The following MYO18B variants were observed in gnomAD, a reference collection of about 807,000 sequenced individuals.
The protein encoded by MYO18B is unconventional myosin-XVIIIb.
Under a neutral mutation model 273.0 loss-of-function variants are expected in MYO18B, and 204 were observed. The ratio of observed to expected loss-of-function variants is 0.75; its 90% CI spans 0.67 to 0.84. The LOEUF is 0.84. Among genes scored for constraint, MYO18B ranks in the 40% least tolerant of loss-of-function variants. MYO18B has a pLI of 0.00. For missense variants in MYO18B, 3,212 were observed against 3,287.6 expected (o/e 0.98, Z 0.56); for synonymous variants, 1,330 against 1,305.7 (o/e 1.02, Z -0.40).
intron 34 of MYO18B, among the ~76,000 whole-genome samples, chr22:25,934,213 A>G (rs1372650737): frequency 2.0e-5 from 3 of 151,454 alleles, no homozygotes; most frequent in Non-Finnish European, 4.4e-5. Flanking sequence ...TCTTTGCTAC[A>G]TATGTCTATT....
rs1465370828 is a variant in MYO18B at position 26,027,350 on chromosome 22, G to A, written c.7376G>A (p.Gly2459Glu). The A allele has an allele frequency of 6.2e-7, 1 of 1,613,866 alleles. No individual in the cohort carries two copies. The highest frequency in any genetic ancestry group is 1.3e-5 in the African/African-American group (1 of 74,906). Residue 2459 changes from glycine (G) to glutamate (E), a missense_variant, in exon 43 of 44, where the codon GGA (glycine) becomes GAA (glutamate). Physicochemically the swap from Gly to Glu is moderately conservative, Grantham distance 98. Coordinates refer to ENST00000335473, the MANE Select transcript of MYO18B (RefSeq NM_032608.7). This position sits in a 1 kb window ranked among gnomAD's most constrained non-coding sequence, Gnocchi z 4.1. ...CCCCAGACACCTACCTCCTTGGCTGGATCAGCCAAAGGTGGGCAAGACGGT... is the reference window on the plus strand; with the variant it reads ...CCCCAGACACCTACCTCCTTGGCTGAATCAGCCAAAGGTGGGCAAGACGGT... ...RKPQTPTSLA[G>E]SAKGGQDGSQ...
At chr22:26,008,428 G>A (rs1934612581) in intron 42 of MYO18B, among the ~76,000 whole-genome samples, 1 of 152,204 alleles carries the variant, frequency 6.6e-6, no homozygotes, top group Admixed American at 6.5e-5. Context: ...CCCAATAAAT[G>A]AGCCTCTTGG....
intron 32 of MYO18B, among the ~76,000 whole-genome samples, chr22:25,909,172 T>C (rs1207698419): frequency 6.6e-6 from 1 of 152,238 alleles, no homozygotes; most frequent in Non-Finnish European, 1.5e-5. Flanking sequence ...TTCTTAGAGC[T>C]GTATTGATGG....
At chr22:25,837,697 C>G (rs1376338628) in intron 17 of MYO18B, among the ~76,000 whole-genome samples, 3 of 152,142 alleles carry the variant, frequency 2.0e-5, no homozygotes, top group African/African-American at 7.2e-5. Flanking sequence ...ACCAGTGAAG[C>G]AGCAACAGCA....
At chr22:25,761,911 C>T (rs994721369) in intron 2 of MYO18B, among the ~76,000 whole-genome samples, 5 of 152,092 alleles carry the variant, frequency 3.3e-5, no homozygotes, top group African/African-American at 1.2e-4. Flanking sequence ...ATCATGAGGT[C>T]AGGAGTTCGA....
At chr22:25,925,084 A>C (rs1006210) in intron 34 of MYO18B, among the ~76,000 whole-genome samples, 137,499 of 152,220 alleles carry the variant, frequency 0.9, 62,485 homozygotes, top group Middle Eastern at 0.97. Flanking sequence ...ACTTGGTTTG[A>C]CCAATACGGG....
chr22:26,024,521 G>A (rs1182311371), intron 42 of MYO18B, among the ~76,000 whole-genome samples: 1 of 152,210 alleles, frequency 6.6e-6, no homozygotes, highest in Non-Finnish European at 1.5e-5. Context: ...GAGAGAGAAA[G>A]GAGGTAGCTC....
Position 25,781,815 on chromosome 22 carries a change from G to T in MYO18B, c.2293G>T (p.Gly765Ter), listed in dbSNP as rs1333402787. ...CCTGGTTTTCTCCCAGATGCTGGCT[G>T]GATTGGACTTGGATCTCAGGTGAGC... Reference protein sequence around the residue: ...NFLVFSQMLAGLDLDLRTELN... With the variant: ...NFLVFSQMLA The change falls in exon 10 of 44, where the codon GGA (glycine) becomes TGA (stop). Residue 765 changes from glycine to a stop codon, truncating the protein, a stop_gained. Transcript: ENST00000335473. LOFTEE classifies it high-confidence loss of function. 1 of 1,588,762 alleles carries T rather than the reference G, an allele frequency of 6.3e-7. No homozygotes were observed. The highest frequency in any genetic ancestry group is 8.6e-7 in the Non-Finnish European group (1 of 1,168,946).
chr22:25,790,233 G>A (rs1219232625), intron 11 of MYO18B, among the ~76,000 whole-genome samples: 3 of 152,322 alleles, frequency 2.0e-5, no homozygotes, highest in South Asian at 2.1e-4. Context: ...CCGAACTGCT[G>A]TTTCCCTAAT....
At chr22:25,797,512 CCTATAGACCCTAT>C (rs1264701592) in intron 11 of MYO18B, among the ~76,000 whole-genome samples, 1 of 152,178 alleles carries the variant, frequency 6.6e-6, no homozygotes, top group Non-Finnish European at 1.5e-5. Context: ...CTAGGCCCTA[CCTATAGACCCTAT>C]ATGGCCTATG....
chr22:25,963,643 G>T (rs753765540), intron 39 of MYO18B, among the ~76,000 whole-genome samples: 1 of 150,570 alleles, frequency 6.6e-6, no homozygotes, highest in Non-Finnish European at 1.5e-5. Flanking sequence ...TTTGGGGGAC[G>T]CTATTTAACC....
At chr22:25,925,326 C>G (rs901393038) in intron 34 of MYO18B, among the ~76,000 whole-genome samples, 2 of 151,308 alleles carry the variant, frequency 1.3e-5, no homozygotes, top group Non-Finnish European at 2.9e-5. Context: ...GAACCATAGG[C>G]TTTATTTATC....
At chr22:25,802,560 C>T (rs2088251089) in intron 12 of MYO18B, among the ~76,000 whole-genome samples, 1 of 151,880 alleles carries the variant, frequency 6.6e-6, no homozygotes, top group African/African-American at 2.4e-5. Context: ...ACCATCCTGG[C>T]TGATACAGGA....
At chr22:25,872,341 T>G (rs906677549) in intron 22 of MYO18B, among the ~76,000 whole-genome samples, 3 of 152,192 alleles carry the variant, frequency 2.0e-5, no homozygotes, top group Admixed American at 6.5e-5. Flanking sequence ...GCTTGTATCA[T>G]AATGGATAAG....
intron 2 of MYO18B, among the ~76,000 whole-genome samples, chr22:25,761,808 G>T (rs1211156028): frequency 6.6e-6 from 1 of 152,092 alleles, no homozygotes; most frequent in African/African-American, 2.4e-5. Flanking sequence ...AAATGGCATT[G>T]GAAGCTGCAG....
chr22:25,789,647 T>A (rs1466388368), intron 11 of MYO18B, among the ~76,000 whole-genome samples: 28 of 111,002 alleles, frequency 2.5e-4, no homozygotes, highest in African/African-American at 7.4e-4. Context: ...AAAAAAAAAA[T>A]AACGAAATTA....
At chr22:25,744,183 G>A (rs879536601) in intron 1 of MYO18B, among the ~76,000 whole-genome samples, 3 of 152,122 alleles carry the variant, frequency 2.0e-5, no homozygotes, top group Non-Finnish European at 4.4e-5. Flanking sequence ...TCTAACTATC[G>A]CAAAGATTTT....
chr22:25,979,102 C>T lies in MYO18B; in HGVS notation c.6157-13261C>T, dbSNP rs548771226. ...CAGGGTAAGCTATAAATTGTTCCCA[C>T]GCTACACTTCTTTGGAGACAAAATC... On this transcript the variant is annotated intron_variant, in intron 39 of 43. Coordinates refer to ENST00000335473, the MANE Select transcript of MYO18B (RefSeq NM_032608.7). Among the ~76,000 whole-genome samples, 11 of 152,290 alleles carry T rather than the reference C, an allele frequency of 7.2e-5. 1 individual carries two copies. The South Asian group carries it at 1.0e-3, about 14-fold the overall frequency.
intron 25 of MYO18B, among the ~76,000 whole-genome samples, chr22:25,885,733 A>C (rs766541395): frequency 3.9e-5 from 6 of 152,156 alleles, no homozygotes; most frequent in Admixed American, 6.5e-5. Context: ...TCATGATCTT[A>C]GGATTATTTC....
Sources: gnomAD v4.1 joint callset for allele counts (sites outside exome capture counted in the v4.1 genomes callset) on GRCh38, gnomAD v4.1.1 for gene constraint, Gnocchi (gnomAD v3.1) non-coding constraint, MANE v1.5 for transcripts, NCBI Gene and HGNC (gene_info 2026-07-23, HGNC 2026-07-21) for gene names.